The following SPSB4 variants were observed in gnomAD, a reference collection of about 807,000 sequenced individuals.
The protein encoded by SPSB4 is SPRY domain-containing SOCS box protein 4.
SPSB4 carries 21 observed loss-of-function variants against 20.9 expected under a neutral mutation model. The observed-to-expected ratio is 1.01, with a 90% CI of 0.71 to 1.45. The LOEUF (loss-of-function observed/expected upper bound fraction) is 1.45. Ranked by LOEUF, SPSB4 falls within the 40% of genes most tolerant of loss-of-function variation. SPSB4 has a pLI of 0.00. For missense variants in SPSB4, 399 were observed against 399.2 expected (o/e 1.00, Z 0.00); for synonymous variants, 207 against 183.8 (o/e 1.13, Z -1.02).
intron 2 of SPSB4, among the ~76,000 whole-genome samples, chr3:141,112,893 C>T (rs551364774): frequency 6.6e-6 from 1 of 152,200 alleles, no homozygotes; most frequent in East Asian, 1.9e-4. Context: ...TAGAGGGGTT[C>T]TGACAGGGGC....
At chr3:141,083,432 C>G (rs936906685) in intron 2 of SPSB4, among the ~76,000 whole-genome samples, 5 of 152,158 alleles carry the variant, frequency 3.3e-5, no homozygotes, top group Admixed American at 6.5e-5. Flanking sequence ...TGAGAAAGGC[C>G]CCTGCCCCAC....
intron 2 of SPSB4, among the ~76,000 whole-genome samples, chr3:141,142,985 T>A (rs1203206683): frequency 6.6e-6 from 1 of 151,528 alleles, no homozygotes; most frequent in East Asian, 1.9e-4. Context: ...CCCAGCTAAT[T>A]TTTTGTGTTT....
At chr3:141,059,131 C>T (rs1937712864) in intron 1 of SPSB4, among the ~76,000 whole-genome samples, 1 of 152,088 alleles carries the variant, frequency 6.6e-6, no homozygotes, top group Non-Finnish European at 1.5e-5. Context: ...AAAGATGTCC[C>T]CCTGGCTGGC....
intron 2 of SPSB4, among the ~76,000 whole-genome samples, chr3:141,118,787 G>A (rs1487371577): frequency 6.6e-6 from 1 of 152,204 alleles, no homozygotes; most frequent in Non-Finnish European, 1.5e-5. Context: ...GTTTGTCAAA[G>A]ATCAGATGGT....
intron 2 of SPSB4, chr3:141,077,496 C>T (rs747976716): frequency 6.6e-6 from 1 of 152,250 alleles, no homozygotes; most frequent in African/African-American, 2.4e-5. Flanking sequence ...GCTTCTGAGT[C>T]GATCCAGGGA....
At chr3:141,056,490 T>A (rs1435734195) in intron 1 of SPSB4, among the ~76,000 whole-genome samples, 2 of 152,218 alleles carry the variant, frequency 1.3e-5, no homozygotes, top group Non-Finnish European at 2.9e-5. Flanking sequence ...AACAGAGGGA[T>A]CTTCAGAAAT....
intron 2 of SPSB4, among the ~76,000 whole-genome samples, chr3:141,114,413 C>T (rs367900888): frequency 6.6e-6 from 1 of 152,202 alleles, no homozygotes; most frequent in Non-Finnish European, 1.5e-5. Context: ...TGACGAAACA[C>T]GGTGAATGCG....
At chr3:141,067,455 A>G (rs1468853056) in intron 2 of SPSB4, among the ~76,000 whole-genome samples, 1 of 152,188 alleles carries the variant, frequency 6.6e-6, no homozygotes, top group Admixed American at 6.5e-5. Context: ...CCAGAAATCT[A>G]GCTTGTGTGA....
At chr3:141,086,492 C>T (rs931958143) in intron 2 of SPSB4, among the ~76,000 whole-genome samples, 6 of 152,218 alleles carry the variant, frequency 3.9e-5, no homozygotes, top group African/African-American at 1.4e-4. Flanking sequence ...GAGGCCTGTA[C>T]ATATGACATA....
chr3:141,093,895 G>T (rs541706374), intron 2 of SPSB4, among the ~76,000 whole-genome samples: 26 of 152,214 alleles, frequency 1.7e-4, no homozygotes, highest in African/African-American at 5.8e-4. Context: ...TACCACACAG[G>T]TCTCCCATGT....
Position 141,088,507 on chromosome 3 carries a change from A to T in SPSB4, c.694+21709A>T, listed in dbSNP as rs531047539. ...ATCCTCTCAGCTCAACTGGTTAGGTACTGCTGTGGGCATCAGTCAGTTTTG... is the reference window on the plus strand; with the variant it reads ...ATCCTCTCAGCTCAACTGGTTAGGTTCTGCTGTGGGCATCAGTCAGTTTTG... On this transcript the variant is annotated intron_variant, in intron 2 of 2. Coordinates refer to ENST00000310546, the MANE Select transcript of SPSB4 (RefSeq NM_080862.3). 5.9e-5 allele frequency among the ~76,000 whole-genome samples: 9 copies of T among 152,334 alleles called. No homozygotes were observed. The East Asian group carries it at 1.7e-3, about 29-fold the overall frequency.
At chr3:141,098,949 G>GT (rs758549039) in intron 2 of SPSB4, among the ~76,000 whole-genome samples, 53 of 152,296 alleles carry the variant, frequency 3.5e-4, no homozygotes, top group Admixed American at 5.9e-4. Flanking sequence ...ATGGTAGAAG[G>GT]TGGAAGCGAG....
At chr3:141,056,981 G>C (rs750931540) in intron 1 of SPSB4, among the ~76,000 whole-genome samples, 1 of 152,230 alleles carries the variant, frequency 6.6e-6, no homozygotes, top group Non-Finnish European at 1.5e-5. Context: ...TTGCACCTTG[G>C]GGGCCCCTGG....
intron 2 of SPSB4, among the ~76,000 whole-genome samples, chr3:141,078,960 AG>A (rs1296979587): frequency 6.6e-6 from 1 of 152,212 alleles, no homozygotes; most frequent in African/African-American, 2.4e-5. Context: ...GCCACACGGT[AG>A]GATGAAAAGC....
At chr3:141,146,404 C>A (rs967755843) in intron 2 of SPSB4, among the ~76,000 whole-genome samples, 3 of 152,134 alleles carry the variant, frequency 2.0e-5, no homozygotes, top group African/African-American at 7.2e-5. Context: ...GTAGAGGAAA[C>A]CCCTCTGCAG....
chr3:141,086,841 G>A (rs1938352431), intron 2 of SPSB4, among the ~76,000 whole-genome samples: 2 of 152,192 alleles, frequency 1.3e-5, no homozygotes, highest in Non-Finnish European at 2.9e-5. Context: ...AGAGGCAGGT[G>A]GTGTTAACAT....
intron 2 of SPSB4, among the ~76,000 whole-genome samples, chr3:141,072,446 G>A: frequency 6.6e-6 from 1 of 152,184 alleles, no homozygotes; most frequent in East Asian, 1.9e-4. Flanking sequence ...ATGGCTTGGT[G>A]CCCTCCTCGT....
chr3:141,112,785 C>T (rs531662735), intron 2 of SPSB4, among the ~76,000 whole-genome samples: 132 of 152,122 alleles, frequency 8.7e-4, no homozygotes, highest in African/African-American at 2.9e-3. Flanking sequence ...CCTCTCAGTC[C>T]TCGGAGTGGC....
At chr3:141,081,835 C>T (rs1222692472) in intron 2 of SPSB4, among the ~76,000 whole-genome samples, 1 of 152,164 alleles carries the variant, frequency 6.6e-6, no homozygotes, top group Non-Finnish European at 1.5e-5. Flanking sequence ...CCTTGTAAAT[C>T]GCAAAGGCCT....
Sources: gnomAD v4.1 joint callset for allele counts (sites outside exome capture counted in the v4.1 genomes callset) on GRCh38, gnomAD v4.1.1 for gene constraint, MANE v1.5 for transcripts, NCBI Gene and HGNC (gene_info 2026-07-23, HGNC 2026-07-21) for gene names.